TBC1D28: variants seen among roughly 807,000 people sequenced by gnomAD.
TBC1D28 encodes TBC1 domain family member 28, also known as TBC1 domain family, member 28.
Under a neutral mutation model 29.2 loss-of-function variants are expected in TBC1D28, and 20 were observed. The ratio of observed to expected loss-of-function variants is 0.68; its 90% CI spans 0.48 to 0.99. The LOEUF (loss-of-function observed/expected upper bound fraction) is 0.99, where lower values mean the gene tolerates loss of function less well. Ranked by LOEUF, TBC1D28 falls within the 50% of genes least tolerant of loss-of-function variation. TBC1D28 has a pLI of 0.00. For synonymous variants in TBC1D28, 65 were observed against 90.9 expected, an observed-to-expected ratio of 0.71 and a Z score of 1.62; for missense variants, 205 against 243.7, an observed-to-expected ratio of 0.84 and a Z score of 1.06.
At chr17:18,637,261 C>T (rs1463057700) in intron 8 of TBC1D28, among the ~76,000 whole-genome samples, 3 of 88,708 alleles carry the variant, frequency 3.4e-5, no homozygotes, top group African/African-American at 1.8e-4. Flanking sequence ...AGATCATCTC[C>T]GTAGCCTCCG....
chr17:18,641,299 G>A (rs1480441139), exon 3 of TBC1D28: 1 of 1,613,606 alleles, frequency 6.2e-7, no homozygotes, highest in Admixed American at 1.7e-5. Flanking sequence ...TAGTAATGAT[G>A]ATATTGCCTT....
At position 18,638,679 on chromosome 17, in the gene TBC1D28, C is replaced by T. The variant is rs201577596; in HGVS notation, c.221G>A (p.Arg74His). 1.6e-4 allele frequency: 261 copies of T among 1,614,102 alleles called. No individual in the cohort carries two copies. The African/African-American group carries it at 2.5e-3, about 16-fold the overall frequency. ...AAGCATCTTTTGCCACTTGTTGGTA[C>T]GTTTACTTTCCTTGCGTCTTTGCTG... Residue 74 changes from arginine (R) to histidine (H), a missense_variant, in exon 6 of 9, where the codon CGT becomes CAT. Coordinates refer to ENST00000345096, the Ensembl canonical transcript of TBC1D28.
chr17:18,642,534 C>T (rs1220231855), upstream of TBC1D28: 1 of 152,086 alleles, frequency 6.6e-6, no homozygotes, highest in African/African-American at 2.4e-5. Context: ...CGGCCCGGGT[C>T]ACATCTGGGT....
At chr17:18,634,791 C>CCCTCAGCCGCCTCAGCCT (rs2031399558), downstream of TBC1D28, among the ~76,000 whole-genome samples, 3 of 149,460 alleles carry the variant, frequency 2.0e-5, no homozygotes, top group South Asian at 6.3e-4. Flanking sequence ...GGCTGCCCGC[C>CCCTCAGCCGCCTCAGCCT]CCTCAGCCCC....
rs2031742054 is a variant in TBC1D28, at chr17:18,641,107, G to A, written c.76-3C>T. On this transcript the variant is annotated splice_polypyrimidine_tract_variant and splice_region_variant and intron_variant, in intron 3 of 8. Coordinates refer to ENST00000345096, the Ensembl canonical transcript of TBC1D28. ...ACTGCTGCCCCAGCTCGGTGTCCCT[G>A]AAACCCAGAGGAGGCCAGGATAGTG... is the stretch of plus-strand genomic sequence containing the variant. The A allele has an allele frequency of 2.8e-6, 2 of 721,284 alleles. No individual in the cohort carries two copies. Among genetic ancestry groups the A allele is most frequent in the Non-Finnish European group, 2.2e-6 (1 of 448,842 alleles). The allele number at this position is 721,284 out of a possible 1,614,324, so 44.7% of individuals were successfully genotyped here. A position where few individuals can be genotyped will look rare whatever the true frequency, so the allele number is the denominator to read the frequency against.
intron 5 of TBC1D28, 161 bp from the exon 7 acceptor site, chr17:18,638,862 G>C: frequency 3.2e-6 from 3 of 946,916 alleles, no homozygotes; most frequent in Non-Finnish European, 4.7e-6. Context: ...AACTGGAGCT[G>C]GTAGTCTGGA....
At chr17:18,640,949 G>A (rs543624429) in intron 4 of TBC1D28, 73 bp downstream of exon 5, 3 of 458,494 alleles carry the variant, frequency 6.5e-6, no homozygotes, top group Admixed American at 4.5e-5. Flanking sequence ...CTGCTTCAGA[G>A]AGGCCTTTCT....
At chr17:18,642,954 C>T (rs977460880), upstream of TBC1D28, 1 of 152,316 alleles carries the variant, frequency 6.6e-6, no homozygotes, top group Non-Finnish European at 1.5e-5. Context: ...TCGGTGTCCT[C>T]CAGCCCCTAA....
upstream of TBC1D28, chr17:18,643,019 T>A (rs544622004): frequency 6.6e-6 from 1 of 152,436 alleles, no homozygotes; most frequent in East Asian, 1.9e-4. Context: ...GGTGAACATG[T>A]GTGTGCACGA....
chr17:18,642,463 G>A (rs1296048923), upstream of TBC1D28: 1 of 152,022 alleles, frequency 6.6e-6, no homozygotes, highest in African/African-American at 2.4e-5. Context: ...GGAATCTAGG[G>A]TAGAGAGGCC....
rs1242009001 is a variant in TBC1D28 at position 18,638,600 on chromosome 17, G to A, written c.279+21C>T. On this transcript the variant is annotated intron_variant, in intron 6 of 8. Coordinates refer to ENST00000345096, the Ensembl canonical transcript of TBC1D28. ...GGCTCTGCAGAGAGCAGTCACGGGG[G>A]CCGCTTCCTCCCCATGTTACCTTCT... is the stretch of plus-strand genomic sequence containing the variant. 3 of 1,614,212 alleles carry A rather than the reference G, an allele frequency of 1.9e-6. No homozygotes were observed. In the South Asian group the frequency reaches 3.3e-5, roughly 18 times the overall value.
Position 18,638,694 on chromosome 17 carries a change from C to T in TBC1D28, c.206G>A (p.Arg69His), listed in dbSNP as rs779017445. ...CTTGTTGGTACGTTTACTTTCCTTG[C>T]GTCTTTGCTGTCAAATGAGCCATGA... The change falls in exon 6 of 9, where the codon CGC (arginine) becomes CAC (histidine). Residue 69 changes from arginine to histidine, a missense_variant. Coordinates refer to ENST00000345096, the Ensembl canonical transcript of TBC1D28. 1.5e-5 allele frequency: 25 copies of T among 1,613,924 alleles called. No individual in the cohort carries two copies. The highest frequency in any genetic ancestry group is 8.0e-5 in the African/African-American group (6 of 74,928).
At chr17:18,636,834 A>AT (rs976379726) in intron 8 of TBC1D28, among the ~76,000 whole-genome samples, 5 of 138,268 alleles carry the variant, frequency 3.6e-5, no homozygotes, top group Non-Finnish European at 7.7e-5. Flanking sequence ...ACTCTGGTTG[A>AT]TTTTTTCTTC....
rs761526609 is a variant in TBC1D28 at position 18,641,263 on chromosome 17, C to T, written c.75+15G>A. 1.9e-5 allele frequency: 31 copies of T among 1,606,686 alleles called. 1 individual carries two copies. Among genetic ancestry groups the T allele is most frequent in the South Asian group, 5.6e-5 (5 of 90,036 alleles). ...CGAGGCCCTGCTTCCCTTGAGGGAGCGGCCCAACTTGTACCTGCTCATACT... is the reference window on the plus strand; with the variant it reads ...CGAGGCCCTGCTTCCCTTGAGGGAGTGGCCCAACTTGTACCTGCTCATACT... On this transcript the variant is annotated intron_variant, in intron 3 of 8. Coordinates refer to ENST00000345096, the Ensembl canonical transcript of TBC1D28.
intron 7 of TBC1D28, 69 bp from the exon 9 acceptor site, chr17:18,638,042 G>A: frequency 6.6e-7 from 1 of 1,521,598 alleles, no homozygotes; most frequent in Non-Finnish European, 9.1e-7. Flanking sequence ...CCAAACGGCA[G>A]TCATCCCACA....
In TBC1D28 at chr17:18,638,386, G is replaced by A. The variant is rs191687679; in HGVS notation, c.314C>T (p.Ala105Val). 8.8e-4 allele frequency: 1,421 copies of A among 1,614,154 alleles called. 4 individuals are homozygous for A. The highest frequency in any genetic ancestry group is 8.6e-3 in the Middle Eastern group (52 of 6,062). ...AAGTGACAACGCCCGGCCCCGCACCGCCAGGGGAATGACTTTGCATACTCT... is the reference window on the plus strand; with the variant it reads ...AAGTGACAACGCCCGGCCCCGCACCACCAGGGGAATGACTTTGCATACTCT... The change falls in exon 7 of 9, where the codon GCG (alanine) becomes GTG (valine). Residue 105 changes from alanine (A) to valine (V), a missense_variant. By Grantham distance (64) the Ala-to-Val change is moderately conservative (BLOSUM62 0). Transcript: ENST00000345096.
intron 2 of TBC1D28, 97 bp downstream of exon 3, chr17:18,641,535 C>T: frequency 1.5e-6 from 1 of 675,236 alleles, no homozygotes; most frequent in Non-Finnish European, 2.5e-6. Context: ...AAGTCCTGAC[C>T]TCCAACCAGT....
intron 4 of TBC1D28, among the ~76,000 whole-genome samples, chr17:18,640,350 C>G: frequency 6.9e-6 from 1 of 144,236 alleles, no homozygotes. Context: ...AGGGGCTCAC[C>G]CTGCCCCCCT....
exon 9 of TBC1D28, chr17:18,636,066 T>C: frequency 9.8e-7 from 1 of 1,023,190 alleles, no homozygotes; most frequent in Non-Finnish European, 1.2e-6. Flanking sequence ...CCTGGAATGG[T>C]CTGGAAAGTG....
Sources: allele counts gnomAD v4.1 joint callset (sites outside exome capture counted in the v4.1 genomes callset), GRCh38; gene constraint gnomAD v4.1.1; transcripts MANE v1.5; gene names NCBI Gene and HGNC (gene_info 2026-07-23, HGNC 2026-07-21).